AKAP8L: variants seen among roughly 807,000 people sequenced by gnomAD.
AKAP8L encodes A-kinase anchor protein 8-like.
Under a neutral mutation model 77.5 loss-of-function variants are expected in AKAP8L, and 34 were observed. The ratio of observed to expected loss-of-function variants is 0.44; its 90% confidence interval spans 0.33 to 0.58. The LOEUF is 0.58. AKAP8L is among the 20% of genes least tolerant of loss of function. AKAP8L has a pLI of 0.02. For missense variants in AKAP8L, 806 were observed against 887.6 expected (o/e 0.91, Z 1.17); for synonymous variants, 342 against 340.7 (o/e 1.00, Z -0.04).
intron 12 of AKAP8L, among the ~76,000 whole-genome samples, chr19:15,385,921 T>TC (rs1344885566): frequency 3.7e-5 from 2 of 54,716 alleles, no homozygotes; most frequent in African/African-American, 1.8e-4. Flanking sequence ...TTTTTTTCTT[T>TC]TTTTTTTTTT....
At position 15,400,801 on chromosome 19, in the gene AKAP8L, G is replaced by T. The variant is rs374835033; in HGVS notation, c.977C>A (p.Ser326Tyr). The change falls in exon 7 of 14, where the codon TCC (serine) becomes TAC (tyrosine). Residue 326 changes from serine (S) to tyrosine (Y), a missense_variant. Physicochemically the swap from Ser to Tyr is moderately radical, Grantham distance 144. Around this residue, in one of 2 missense-constraint regions of AKAP8L, gnomAD observed 580 missense variants for 694.1 expected, o/e 0.84. Coordinates refer to ENST00000397410, the MANE Select transcript of AKAP8L (RefSeq NM_014371.4). ...CCAGCCAGAGCCACTTACCACTCTG[G>T]AGCCCTTCTCCACAGCCTCGGTGCC... ...LEGTEAVEKG[S>Y]RVDGEDEEGK... is the part of the protein sequence containing the mutation. 1.7e-5 allele frequency: 27 copies of T among 1,613,952 alleles called. No individual in the cohort carries two copies. The African/African-American group carries it at 3.6e-4, about 22-fold the overall frequency.
chr19:15,405,495 A>G (rs1967978694), intron 2 of AKAP8L, among the ~76,000 whole-genome samples: 1 of 151,266 alleles, frequency 6.6e-6, no homozygotes, highest in Non-Finnish European at 1.5e-5. Flanking sequence ...GCGCCACTGC[A>G]CTCCAGCCTG....
Position 15,397,620 on chromosome 19 carries a change from G to T in AKAP8L, c.1305C>A (p.Tyr435Ter), listed in dbSNP as rs762819421. ...PKQTADFLQE[Y>*]VTNKTKKTEE... is the part of the protein sequence containing the mutation. Reference sequence around the variant, plus strand: ...CTGTCTTCTTGGTCTTGTTAGTGACGTACTCCTGCAAGGAATATAAAGGTT... The same window carrying T: ...CTGTCTTCTTGGTCTTGTTAGTGACTTACTCCTGCAAGGAATATAAAGGTT... The change falls in exon 11 of 14, where the codon TAC (tyrosine) becomes TAA (stop). Residue 435 changes from tyrosine to a stop codon, truncating the protein, a stop_gained. Transcript: ENST00000397410. LOFTEE classifies it high-confidence loss of function. This position sits in a 1 kb window ranked among gnomAD's most constrained non-coding sequence, Gnocchi z 4.7. 1 of 1,613,738 alleles carries T rather than the reference G, an allele frequency of 6.2e-7. No individual in the cohort carries two copies. The highest frequency in any genetic ancestry group is 8.5e-7 in the Non-Finnish European group (1 of 1,179,838).
In AKAP8L at chr19:15,400,211, C is replaced by T. The variant is rs371236837; in HGVS notation, c.1048+84G>A. ...GGTCCCCAACTGGCCGCATGTCTGC[C>T]GCAACCCTGCCCTCAGCTGGGTCCC... is the stretch of plus-strand genomic sequence containing the variant. On this transcript the variant is annotated intron_variant, in intron 8 of 13. Transcript: ENST00000397410. The T allele has an allele frequency of 6.6e-5, 95 of 1,449,718 alleles. No individual in the cohort carries two copies. The African/African-American group carries it at 9.2e-4, about 14-fold the overall frequency. 89.8% of individuals were successfully genotyped at this position (1,449,718 alleles called of 1,614,324 possible). A position where few individuals can be genotyped will look rare whatever the true frequency, so the allele number is the denominator to read the frequency against.
At position 15,399,097 on chromosome 19, in the gene AKAP8L, G is replaced by A. The variant is rs1967835568; in HGVS notation, c.1157+205C>T. On this transcript the variant is annotated intron_variant, in intron 9 of 13. Coordinates refer to ENST00000397410, the MANE Select transcript of AKAP8L (RefSeq NM_014371.4). The surrounding 1 kb of genome is among the most constrained non-coding windows in gnomAD (Gnocchi z 6.1). ...CAGGTCTCGGCCCACAGACGCCAGC[G>A]GTCGCCAGGCGGCCGCAGAGGGGCA... The A allele has an allele frequency of 1.0e-5, 6 of 589,386 alleles. No homozygotes were observed. The highest frequency in any genetic ancestry group is 4.0e-5 in the South Asian group (2 of 50,510). 36.5% of individuals were successfully genotyped at this position (589,386 alleles called of 1,614,324 possible).
In AKAP8L at chr19:15,399,444, G is replaced by C. The variant is rs757186578; in HGVS notation, c.1049-34C>G. The stretch of plus-strand genomic sequence containing the variant: ...GCAGATGGGCACTGTCACCAATTTG[G>C]CTCTGCCAGGACAGGGCAGGCCCTG... On this transcript the variant is annotated intron_variant, in intron 8 of 13. Transcript: ENST00000397410. This position sits in a 1 kb window ranked among gnomAD's most constrained non-coding sequence, Gnocchi z 6.1. 2 of 1,542,420 alleles carry C rather than the reference G, an allele frequency of 1.3e-6. No homozygotes were observed. The highest frequency in any genetic ancestry group is 2.2e-5 in the South Asian group (2 of 89,688).
intron 7 of AKAP8L, 127 bp from the exon 8 acceptor site, chr19:15,400,485 C>G: frequency 1.0e-6 from 1 of 999,026 alleles, no homozygotes; most frequent in Non-Finnish European, 1.5e-6. Context: ...CAGGGCTATC[C>G]TATAGGCAGG....
In AKAP8L at chr19:15,400,977, C is replaced by A; in HGVS notation, c.883G>T (p.Asp295Tyr). Residue 295 changes from aspartate (D) to tyrosine (Y), a missense_variant, in exon 6 of 14, where the codon GAC becomes TAC. Transcript: ENST00000397410. ...DEPDSKATRT[D>Y]CSDNSDSDND... Reference sequence around the variant, plus strand: ...TCTGAGTCGCTGTTGTCCGAGCAGTCCGTGCGGGTGGCTTTGCTATCTGGC... The same window carrying A: ...TCTGAGTCGCTGTTGTCCGAGCAGTACGTGCGGGTGGCTTTGCTATCTGGC... 1 of 1,613,992 alleles carries A rather than the reference C, an allele frequency of 6.2e-7. No homozygotes were observed. The highest frequency in any genetic ancestry group is 8.5e-7 in the Non-Finnish European group (1 of 1,179,890).
chr19:15,393,745 A>G (rs1161338717), intron 12 of AKAP8L, among the ~76,000 whole-genome samples: 1 of 151,758 alleles, frequency 6.6e-6, no homozygotes, highest in African/African-American at 2.4e-5. Context: ...ACATGGAGAA[A>G]CCCCGTCTCT....
chr19:15,400,539 A>G, intron 7 of AKAP8L, 181 bp from the exon 8 acceptor site: 1 of 728,534 alleles, frequency 1.4e-6, no homozygotes, highest in East Asian at 2.7e-5. Flanking sequence ...TTTAAATGAC[A>G]AGGCCCGGCT....
intron 1 of AKAP8L, among the ~76,000 whole-genome samples, chr19:15,414,528 G>A (rs975275918): frequency 7.3e-5 from 11 of 151,180 alleles, no homozygotes; most frequent in African/African-American, 1.9e-4. Context: ...TCGCTCTGTC[G>A]CCCAGGCTGG....
chr19:15,400,595 C>T, intron 7 of AKAP8L, 199 bp downstream of exon 7: 1 of 747,374 alleles, frequency 1.3e-6, no homozygotes, highest in Non-Finnish European at 2.2e-6. Flanking sequence ...TGCACAGGGG[C>T]TCATCCCATT....
At chr19:15,400,261 C>T (rs1420810235) in intron 8 of AKAP8L, 34 bp downstream of exon 8, 3 of 1,611,588 alleles carry the variant, frequency 1.9e-6, no homozygotes, top group Middle Eastern at 3.3e-4. Context: ...CCTGGAAGAG[C>T]CGCCCTAGCA....
At chr19:15,405,793 G>A (rs1315148329) in intron 2 of AKAP8L, among the ~76,000 whole-genome samples, 8 of 152,098 alleles carry the variant, frequency 5.3e-5, no homozygotes, top group East Asian at 1.9e-4. Context: ...GTGGTGGTGC[G>A]CGTCTATGGT....
At chr19:15,404,623 A>C (rs1333380975) in intron 2 of AKAP8L, among the ~76,000 whole-genome samples, 2 of 152,216 alleles carry the variant, frequency 1.3e-5, no homozygotes, top group Non-Finnish European at 2.9e-5. Context: ...ACAAAGTGTA[A>C]AGTCCCCTGG....
At chr19:15,410,053 C>G (rs1470798674) in intron 2 of AKAP8L, among the ~76,000 whole-genome samples, 1 of 152,150 alleles carries the variant, frequency 6.6e-6, no homozygotes, top group Admixed American at 6.5e-5. Flanking sequence ...AGTGATTCCC[C>G]TGCCTCAGCC....
At chr19:15,415,069 C>T (rs1205165542) in intron 1 of AKAP8L, among the ~76,000 whole-genome samples, 1 of 152,154 alleles carries the variant, frequency 6.6e-6, no homozygotes, top group Non-Finnish European at 1.5e-5. Context: ...CACTTTGAGA[C>T]CATGGATTTC....
chr19:15,414,022 C>T (rs1968154940), intron 1 of AKAP8L, among the ~76,000 whole-genome samples: 1 of 151,670 alleles, frequency 6.6e-6, no homozygotes, highest in Non-Finnish European at 1.5e-5. Flanking sequence ...AGAGCAGGCC[C>T]TTCTGTAGCC....
chr19:15,400,970 G>T lies in AKAP8L; in HGVS notation c.890C>A (p.Ser297Ter). The T allele has an allele frequency of 6.2e-7, 1 of 1,613,954 alleles. No homozygotes were observed. Among genetic ancestry groups the T allele is most frequent in the South Asian group, 1.1e-5 (1 of 91,072 alleles). The change falls in exon 6 of 14, where the codon TCG (serine) becomes TAG (stop). Residue 297 changes from serine to a stop codon, truncating the protein, a stop_gained. Transcript: ENST00000397410. LOFTEE classifies it high-confidence loss of function. ...PDSKATRTDCSDNSDSDNDEG... is the reference protein window; with the variant it reads ...PDSKATRTDC ...ACCATTGTCTGAGTCGCTGTTGTCC[G>T]AGCAGTCCGTGCGGGTGGCTTTGCT...
Sources: gnomAD v4.1 joint callset for allele counts (sites outside exome capture counted in the v4.1 genomes callset) on GRCh38, gnomAD v4.1.1 for gene constraint, gnomAD v4.1.1 regional missense constraint, Gnocchi (gnomAD v3.1) non-coding constraint, MANE v1.5 for transcripts, NCBI Gene and HGNC (gene_info 2026-07-23, HGNC 2026-07-21) for gene names.